The following CORIN variants were observed in gnomAD, a reference collection of about 807,000 sequenced individuals.
CORIN encodes atrial natriuretic peptide-converting enzyme.
A neutral mutation model predicts 125.3 loss-of-function variants in CORIN; 117 were observed. That is an observed-to-expected ratio of 0.93 (90% CI 0.80 to 1.09). The LOEUF (loss-of-function observed/expected upper bound fraction) is 1.09, where lower values mean the gene tolerates loss of function less well. Among genes scored for constraint, CORIN ranks in the 50% least tolerant of loss-of-function variants. The pLI, the probability that CORIN is intolerant of heterozygous loss-of-function variation, is 0.00. For missense variants in CORIN, 1,253 were observed against 1,306.7 expected (o/e 0.96, Z 0.63); for synonymous variants, 450 against 466.4 (o/e 0.96, Z 0.45).
At chr4:47,678,595 A>C (rs925070592) in intron 8 of CORIN, among the ~76,000 whole-genome samples, 3 of 152,254 alleles carry the variant, frequency 2.0e-5, no homozygotes, top group African/African-American at 7.2e-5. Context: ...GAACTTGCAT[A>C]GTAACTAACA....
In CORIN at chr4:47,674,394, A is replaced by G; in HGVS notation, c.1356T>C (p.Cys452=). 3 of 1,602,710 alleles carry G rather than the reference A, an allele frequency of 1.9e-6. No homozygotes were observed. The highest frequency in any genetic ancestry group is 1.7e-4 in the Middle Eastern group (1 of 6,032). The part of the protein sequence containing the change: ...LCDPNNSLNN[C]SQCEPITLEL... The stretch of plus-strand genomic sequence containing the variant: ...GCATTTGTCAGCTGTTGTACTTACT[A>G]CAGTTATTCAGACTGTTGTTCGGGT... The change falls in exon 10 of 22, where the codon TGT becomes TGC. Residue 452 remains cysteine (C), a splice_region_variant and synonymous_variant. Transcript: ENST00000273857.
intron 13 of CORIN, among the ~76,000 whole-genome samples, chr4:47,652,187 A>G (rs184747078): frequency 6.6e-6 from 1 of 152,304 alleles, no homozygotes; most frequent in East Asian, 1.9e-4. Context: ...AGTAGCTTCT[A>G]AAAACACTGT....
chr4:47,794,758 C>T (rs972509381), intron 2 of CORIN, among the ~76,000 whole-genome samples: 2 of 152,120 alleles, frequency 1.3e-5, no homozygotes, highest in Admixed American at 1.3e-4. Context: ...TCAGCTGTAA[C>T]CCTTTCTCCA....
chr4:47,649,337 G>C (rs1290307771), intron 13 of CORIN, among the ~76,000 whole-genome samples: 2 of 152,210 alleles, frequency 1.3e-5, no homozygotes, highest in African/African-American at 4.8e-5. Context: ...ATGTGAGCCA[G>C]AGACCTCCCC....
chr4:47,646,856 G>A (rs901958501), intron 13 of CORIN, among the ~76,000 whole-genome samples: 7 of 152,002 alleles, frequency 4.6e-5, no homozygotes, highest in African/African-American at 1.2e-4. Context: ...CAAATAAGTC[G>A]AATAAATTAT....
intron 1 of CORIN, among the ~76,000 whole-genome samples, chr4:47,814,881 A>C (rs758463372): frequency 2.0e-5 from 3 of 152,156 alleles, no homozygotes; most frequent in Admixed American, 6.5e-5. Flanking sequence ...TAACAAAATA[A>C]CAGCACCAGA....
intron 9 of CORIN, among the ~76,000 whole-genome samples, chr4:47,676,109 G>C (rs1725005971): frequency 6.6e-6 from 1 of 152,068 alleles, no homozygotes; most frequent in Non-Finnish European, 1.5e-5. Context: ...AGTTTCAAAG[G>C]CCTGACTCTT....
chr4:47,685,258 A>G (rs1725458669), intron 6 of CORIN, among the ~76,000 whole-genome samples: 1 of 152,222 alleles, frequency 6.6e-6, no homozygotes, highest in East Asian at 1.9e-4. Context: ...AACACTGGAA[A>G]AAAATCCAAC....
At position 47,758,006 on chromosome 4, in the gene CORIN, C is replaced by T. The variant is rs968561632; in HGVS notation, c.617+5373G>A. 3.3e-5 allele frequency among the ~76,000 whole-genome samples: 5 copies of T among 151,452 alleles called. No homozygotes were observed. In the South Asian group the frequency reaches 6.2e-4, roughly 19 times the overall value. On this transcript the variant is annotated intron_variant, in intron 4 of 21. Transcript: ENST00000273857. ...TCAGCTCACTGCAAGCTCCACCTCCCGGATTCATGCCATCCTCCTGCCTCA... is the reference window on the plus strand; with the variant it reads ...TCAGCTCACTGCAAGCTCCACCTCCTGGATTCATGCCATCCTCCTGCCTCA...
chr4:47,625,112 A>G (rs1722497714), intron 17 of CORIN, among the ~76,000 whole-genome samples: 1 of 152,128 alleles, frequency 6.6e-6, no homozygotes, highest in South Asian at 2.1e-4. Context: ...ACCAAAGCCT[A>G]AAATTATTTT....
intron 20 of CORIN, 84 bp downstream of exon 20, chr4:47,603,313 A>G (rs917498251): frequency 7.1e-7 from 1 of 1,413,900 alleles, no homozygotes; most frequent in Admixed American, 1.8e-5. Flanking sequence ...ACTGTGAATC[A>G]ATTAAACTTC....
chr4:47,771,908 C>T lies in CORIN; in HGVS notation c.410-8322G>A, dbSNP rs143345430. Among the ~76,000 whole-genome samples the T allele has an allele frequency of 3.3e-5, 5 of 152,234 alleles. No individual in the cohort carries two copies. The East Asian group carries it at 9.6e-4, about 29-fold the overall frequency. On this transcript the variant is annotated intron_variant, in intron 3 of 21. Transcript: ENST00000273857. The stretch of plus-strand genomic sequence containing the variant: ...AAATATGTAAGTATTTTGTGCAATG[C>T]CACGTAAATTATCAGAGTTAAGTAA...
At chr4:47,717,167 C>A (rs550754365) in intron 5 of CORIN, among the ~76,000 whole-genome samples, 1 of 152,208 alleles carries the variant, frequency 6.6e-6, no homozygotes, top group South Asian at 2.1e-4. Context: ...AGTTTTTTCT[C>A]TTTTATTTTC....
At chr4:47,661,907 A>G (rs780911716) in intron 11 of CORIN, 51 bp from the exon 12 acceptor site, 1 of 1,515,532 alleles carries the variant, frequency 6.6e-7, no homozygotes, top group East Asian at 2.3e-5. Context: ...GCTCCATCTG[A>G]GACAGATGTC....
chr4:47,800,970 C>T (rs1232690447), intron 2 of CORIN, among the ~76,000 whole-genome samples: 1 of 152,170 alleles, frequency 6.6e-6, no homozygotes, highest in African/African-American at 2.4e-5. Context: ...ACTCCTGCTG[C>T]TTCAACTGCC....
At chr4:47,723,426 A>T (rs1292274771) in intron 5 of CORIN, among the ~76,000 whole-genome samples, 2 of 152,136 alleles carry the variant, frequency 1.3e-5, no homozygotes, top group Non-Finnish European at 2.9e-5. Context: ...CAACAATGTA[A>T]TCCATGGCCC....
intron 3 of CORIN, among the ~76,000 whole-genome samples, chr4:47,765,268 G>A (rs1014148906): frequency 1.3e-5 from 2 of 150,490 alleles, no homozygotes; most frequent in African/African-American, 4.9e-5. Flanking sequence ...CTGAGATCGC[G>A]CCACTGCACC....
chr4:47,661,216 T>C (rs1020830958), intron 12 of CORIN, among the ~76,000 whole-genome samples: 4 of 152,156 alleles, frequency 2.6e-5, no homozygotes, highest in Admixed American at 2.6e-4. Context: ...GGTTGGTTAA[T>C]TGGTACAGAA....
At chr4:47,622,578 A>T (rs1163838452) in intron 19 of CORIN, among the ~76,000 whole-genome samples, 1 of 151,808 alleles carries the variant, frequency 6.6e-6, no homozygotes. Flanking sequence ...TGTGGTTGTG[A>T]TTTGCATTTC....
Sources: allele counts gnomAD v4.1 joint callset (sites outside exome capture counted in the v4.1 genomes callset), GRCh38; gene constraint gnomAD v4.1.1; transcripts MANE v1.5; gene names NCBI Gene and HGNC (gene_info 2026-07-23, HGNC 2026-07-21).